NDFIP2: variants seen among roughly 807,000 people sequenced by gnomAD.
NDFIP2 encodes Nedd4 family interacting protein 2.
Under a neutral mutation model 36.0 loss-of-function variants are expected in NDFIP2, and 19 were observed. The observed-to-expected ratio is 0.53, with a 90% confidence interval of 0.37 to 0.77. The LOEUF is 0.77. NDFIP2 is among the 30% of genes least tolerant of loss of function. The pLI, the probability that NDFIP2 is intolerant of heterozygous loss-of-function variation, is 0.00. For missense variants in NDFIP2, 446 were observed against 435.8 expected (o/e 1.02, Z -0.21); for synonymous variants, 181 against 167.7 (o/e 1.08, Z -0.61).
chr13:79,547,954 G>A (rs529513952), intron 5 of NDFIP2, among the ~76,000 whole-genome samples: 7 of 152,012 alleles, frequency 4.6e-5, no homozygotes, highest in East Asian at 1.9e-4. Flanking sequence ...CTGAAGCAGC[G>A]GGTTGCTGTA....
intron 1 of NDFIP2, among the ~76,000 whole-genome samples, chr13:79,511,098 G>A (rs1332855477): frequency 6.6e-6 from 1 of 151,808 alleles, no homozygotes. Flanking sequence ...AGACTTTAAA[G>A]GTGTCAGACT....
chr13:79,548,184 C>T, intron 5 of NDFIP2, 144 bp from the exon 6 acceptor site: 1 of 662,888 alleles, frequency 1.5e-6, no homozygotes, highest in Non-Finnish European at 2.6e-6. Context: ...GCTGTGTATG[C>T]CATTAAGTGT....
At chr13:79,486,430 G>A (rs988864982) in intron 1 of NDFIP2, among the ~76,000 whole-genome samples, 2 of 151,948 alleles carry the variant, frequency 1.3e-5, no homozygotes, top group East Asian at 1.9e-4. Flanking sequence ...TCTATTTTTC[G>A]ATCCTTTCAA....
At chr13:79,488,478 T>C (rs1414174935) in intron 1 of NDFIP2, among the ~76,000 whole-genome samples, 1 of 152,192 alleles carries the variant, frequency 6.6e-6, no homozygotes, top group African/African-American at 2.4e-5. Flanking sequence ...GTACATGATC[T>C]AATACTGGAG....
At chr13:79,532,101 T>C (rs1473657923) in intron 2 of NDFIP2, among the ~76,000 whole-genome samples, 8 of 152,186 alleles carry the variant, frequency 5.3e-5, no homozygotes, top group Admixed American at 5.2e-4. Flanking sequence ...AATAGTGACA[T>C]CAAAGATCGC....
chr13:79,541,269 C>T (rs1397165015), intron 4 of NDFIP2, among the ~76,000 whole-genome samples: 2 of 151,792 alleles, frequency 1.3e-5, no homozygotes, highest in African/African-American at 4.8e-5. Context: ...TTTCACTTAC[C>T]ACCAGTATCT....
intron 1 of NDFIP2, among the ~76,000 whole-genome samples, chr13:79,515,283 A>G (rs896657618): frequency 2.6e-5 from 4 of 152,146 alleles, no homozygotes; most frequent in Non-Finnish European, 5.9e-5. Context: ...TATGTGGCAT[A>G]CAACTGTACA....
intron 3 of NDFIP2, among the ~76,000 whole-genome samples, chr13:79,535,184 G>A (rs1209582735): frequency 6.6e-6 from 1 of 152,174 alleles, no homozygotes; most frequent in African/African-American, 2.4e-5. Flanking sequence ...TCTCAGTGAA[G>A]TAGATTGATT....
Position 79,481,706 on chromosome 13 carries a change from G to A in NDFIP2, c.321+182G>A, listed in dbSNP as rs1267292089. On this transcript the variant is annotated intron_variant, in intron 1 of 7. Coordinates refer to ENST00000218652, the MANE Select transcript of NDFIP2 (RefSeq NM_019080.3). ...GCCTCACCTGCGCACTCCTGCCTAG[G>A]ACTCCTTCGAAACCCTTCTCTCTCG... 2.6e-5 allele frequency among the ~76,000 whole-genome samples: 4 copies of A among 152,026 alleles called. No homozygotes were observed. The East Asian group carries it at 7.7e-4, about 29-fold the overall frequency.
At chr13:79,506,901 G>T (rs1873888884) in intron 1 of NDFIP2, among the ~76,000 whole-genome samples, 1 of 152,004 alleles carries the variant, frequency 6.6e-6, no homozygotes. Flanking sequence ...CTAGGTAAAG[G>T]TTTCTTTGCC....
chr13:79,507,003 T>C (rs1022437628), intron 1 of NDFIP2, among the ~76,000 whole-genome samples: 2 of 152,214 alleles, frequency 1.3e-5, no homozygotes, highest in East Asian at 3.9e-4. Context: ...TAAAACTGCA[T>C]GTTTAAAATT....
At chr13:79,511,489 T>G (rs1338668096) in intron 1 of NDFIP2, among the ~76,000 whole-genome samples, 1 of 152,208 alleles carries the variant, frequency 6.6e-6, no homozygotes, top group Non-Finnish European at 1.5e-5. Context: ...ACTTACTAAA[T>G]TATGGTGACT....
chr13:79,506,814 C>A (rs911222369), intron 1 of NDFIP2, among the ~76,000 whole-genome samples: 3 of 151,750 alleles, frequency 2.0e-5, no homozygotes, highest in African/African-American at 7.3e-5. Flanking sequence ...TTTTAAAAAA[C>A]AAAAATTTAA....
intron 1 of NDFIP2, among the ~76,000 whole-genome samples, chr13:79,509,690 T>TATATATAGAG (rs113326163): frequency 1.0e-4 from 15 of 147,808 alleles, no homozygotes; most frequent in African/African-American, 3.8e-4. Flanking sequence ...TATATATATA[T>TATATATAGAG]AGAGAGAGAG....
At chr13:79,528,592 T>C (rs1282041752) in intron 2 of NDFIP2, among the ~76,000 whole-genome samples, 1 of 152,224 alleles carries the variant, frequency 6.6e-6, no homozygotes, top group African/African-American at 2.4e-5. Context: ...TCTTCTAAGC[T>C]CTGTTCATTG....
At chr13:79,523,440 G>A (rs1232892418) in intron 2 of NDFIP2, among the ~76,000 whole-genome samples, 3 of 152,024 alleles carry the variant, frequency 2.0e-5, no homozygotes, top group Admixed American at 6.6e-5. Flanking sequence ...GGCTGGTCTC[G>A]AACTCCTGAC....
At chr13:79,533,605 A>G in intron 3 of NDFIP2, 149 bp downstream of exon 3, 1 of 541,602 alleles carries the variant, frequency 1.8e-6, no homozygotes, top group Non-Finnish European at 3.0e-6. Context: ...GTCTACTTGT[A>G]TGCAGATTGT....
chr13:79,532,771 C>T (rs1027010319), intron 2 of NDFIP2, among the ~76,000 whole-genome samples: 1 of 152,096 alleles, frequency 6.6e-6, no homozygotes, highest in Middle Eastern at 3.2e-3. Flanking sequence ...TGTATGTTAT[C>T]GGAGCAAAGT....
intron 4 of NDFIP2, 48 bp downstream of exon 4, chr13:79,539,823 G>C (rs768320231): frequency 1.0e-5 from 15 of 1,463,396 alleles, no homozygotes; most frequent in Non-Finnish European, 1.4e-5. Flanking sequence ...TGAATTGGCT[G>C]TATGTGTATT....
Sources: gnomAD v4.1 joint callset for allele counts (sites outside exome capture counted in the v4.1 genomes callset) on GRCh38, gnomAD v4.1.1 for gene constraint, MANE v1.5 for transcripts, NCBI Gene and HGNC (gene_info 2026-07-23, HGNC 2026-07-21) for gene names.